The following CFAP77 variants were observed in gnomAD, a reference collection of about 807,000 sequenced individuals.
CFAP77 encodes cilia- and flagella-associated protein 77.
Under a neutral mutation model 31.1 loss-of-function variants are expected in CFAP77, and 25 were observed. The observed-to-expected ratio is 0.80, with a 90% CI of 0.59 to 1.12. The LOEUF is 1.12. Ranked by LOEUF, CFAP77 falls within the 50% of genes most tolerant of loss-of-function variation. The pLI is 0.00. For missense variants in CFAP77, 377 were observed against 397.3 expected (o/e 0.95, Z 0.44); for synonymous variants, 151 against 159.9 (o/e 0.94, Z 0.42).
chr9:132,499,732 C>T lies in CFAP77; in HGVS notation c.524+132C>T. ...CCACTGTCCTCTCTTCAATGACTCTCTCTTGTGTGACCTCTATAGCCACAC... is the reference window on the plus strand; with the variant it reads ...CCACTGTCCTCTCTTCAATGACTCTTTCTTGTGTGACCTCTATAGCCACAC... On this transcript the variant is annotated intron_variant, in intron 3 of 5. Coordinates refer to ENST00000393216, the MANE Select transcript of CFAP77 (RefSeq NM_001282957.2). The surrounding 1 kb of genome is among the most constrained non-coding windows in gnomAD (Gnocchi z 5.4). The T allele has an allele frequency of 1.2e-6, 1 of 806,956 alleles. No homozygotes were observed. Among genetic ancestry groups the T allele is most frequent in the Non-Finnish European group, 2.0e-6 (1 of 492,656 alleles). 50.0% of individuals were successfully genotyped at this position (806,956 alleles called of 1,614,324 possible). A position where few individuals can be genotyped will look rare whatever the true frequency, so the allele number is the denominator to read the frequency against.
chr9:132,436,054 A>G (rs1850499310), intron 1 of CFAP77, among the ~76,000 whole-genome samples: 1 of 152,144 alleles, frequency 6.6e-6, no homozygotes, highest in African/African-American at 2.4e-5. Context: ...CTGGTTATGG[A>G]CTTGGCAGGT....
At chr9:132,417,582 C>T (rs78851664) in intron 1 of CFAP77, among the ~76,000 whole-genome samples, 6,340 of 152,296 alleles carry the variant, frequency 0.042, 164 homozygotes, top group African/African-American at 0.06. Flanking sequence ...CTTACTGGCT[C>T]TGCCACCCAC....
chr9:132,539,802 G>A lies in CFAP77; in HGVS notation c.630+2096G>A, dbSNP rs771128708. ...AGAGCAACCCACGACTAGTTTATTC[G>A]TTAATGGCTCAAGCAAGAGTCCACT... On this transcript the variant is annotated intron_variant, in intron 4 of 5. Coordinates refer to ENST00000393216, the MANE Select transcript of CFAP77 (RefSeq NM_001282957.2). The surrounding 1 kb of genome is among the most constrained non-coding windows in gnomAD (Gnocchi z 4.3). Among the ~76,000 whole-genome samples, 5 of 152,180 alleles carry A rather than the reference G, an allele frequency of 3.3e-5. No homozygotes were observed. Among genetic ancestry groups the A allele is most frequent in the African/African-American group, 4.8e-5 (2 of 41,440 alleles).
intron 5 of CFAP77, among the ~76,000 whole-genome samples, chr9:132,544,421 C>A (rs1183219775): frequency 6.6e-6 from 1 of 152,074 alleles, no homozygotes; most frequent in Non-Finnish European, 1.5e-5. Context: ...CTCCTGCTCT[C>A]TCACTCACTC....
intron 1 of CFAP77, among the ~76,000 whole-genome samples, chr9:132,462,952 G>C (rs1476928839): frequency 6.6e-6 from 1 of 152,238 alleles, no homozygotes; most frequent in Non-Finnish European, 1.5e-5. Flanking sequence ...TCCAAGGCCT[G>C]GCACATAGTG....
rs997337361 is a variant in CFAP77 at position 132,499,922 on chromosome 9, AG to A, written c.524+324del. Among the ~76,000 whole-genome samples the A allele has an allele frequency of 4.6e-5, 7 of 152,156 alleles. No homozygotes were observed. Among genetic ancestry groups the A allele is most frequent in the African/African-American group, 1.7e-4 (7 of 41,452 alleles). ...TCCTAGCACTTTGGGAGGCCCATGT[AG>A]GAGGATCGCTTGAGTCCAGGAATTC... On this transcript the variant is annotated intron_variant, in intron 3 of 5. Coordinates refer to ENST00000393216, the MANE Select transcript of CFAP77 (RefSeq NM_001282957.2). This position sits in a 1 kb window ranked among gnomAD's most constrained non-coding sequence, Gnocchi z 5.4.
At chr9:132,453,665 T>C (rs1023123604) in intron 1 of CFAP77, among the ~76,000 whole-genome samples, 1 of 152,214 alleles carries the variant, frequency 6.6e-6, no homozygotes, top group Non-Finnish European at 1.5e-5. Context: ...AGGGCTTCAG[T>C]GTGGGGGCTG....
At chr9:132,482,808 G>A (rs534918020) in intron 1 of CFAP77, among the ~76,000 whole-genome samples, 7 of 107,458 alleles carry the variant, frequency 6.5e-5, no homozygotes, top group East Asian at 3.2e-4. Context: ...GTTGTGGGGT[G>A]GGGGGAGGGG....
intron 5 of CFAP77, among the ~76,000 whole-genome samples, chr9:132,563,374 T>C (rs1829848532): frequency 6.6e-6 from 1 of 152,196 alleles, no homozygotes; most frequent in Admixed American, 6.5e-5. Flanking sequence ...TTTTATTTAA[T>C]TTTAGTCCAC....
intron 1 of CFAP77, among the ~76,000 whole-genome samples, chr9:132,427,237 G>A (rs557495): frequency 0.57 from 86,544 of 151,964 alleles, 26,090 homozygotes; most frequent in African/African-American, 0.79. Context: ...TTCCTGCAAT[G>A]AGGTAATTAG....
At chr9:132,493,862 CTCTTT>C (rs935929505) in intron 1 of CFAP77, among the ~76,000 whole-genome samples, 2 of 151,144 alleles carry the variant, frequency 1.3e-5, no homozygotes, top group African/African-American at 4.9e-5. Flanking sequence ...CTTTTCTTTT[CTCTTT>C]TCTTTTCTTT....
intron 1 of CFAP77, among the ~76,000 whole-genome samples, chr9:132,492,769 C>T (rs1851671510): frequency 6.6e-6 from 1 of 152,176 alleles, no homozygotes; most frequent in Admixed American, 6.5e-5. Flanking sequence ...GGTGGGTGTC[C>T]AGTTAGCCTG....
chr9:132,538,769 C>G (rs1184769038), intron 4 of CFAP77, among the ~76,000 whole-genome samples: 2 of 151,760 alleles, frequency 1.3e-5, no homozygotes, highest in Non-Finnish European at 2.9e-5. Flanking sequence ...CAGAGTGAGA[C>G]TCTCTCAAAA....
chr9:132,519,567 G>GATGA (rs2119013975), intron 3 of CFAP77, among the ~76,000 whole-genome samples: 3 of 128,834 alleles, frequency 2.3e-5, no homozygotes, highest in East Asian at 3.1e-4. Flanking sequence ...TGGATGGATG[G>GATGA]ATGGATAGAT....
chr9:132,464,879 G>C (rs934887246), intron 1 of CFAP77, among the ~76,000 whole-genome samples: 7 of 151,966 alleles, frequency 4.6e-5, no homozygotes, highest in African/African-American at 1.5e-4. Flanking sequence ...ATCACCTGAG[G>C]TCAGGAATTC....
At chr9:132,492,950 G>T (rs970898726) in intron 1 of CFAP77, among the ~76,000 whole-genome samples, 4 of 152,186 alleles carry the variant, frequency 2.6e-5, no homozygotes, top group African/African-American at 9.7e-5. Flanking sequence ...TACAGGGGAA[G>T]GTTGCCGAGG....
At chr9:132,437,372 A>G (rs929984418) in intron 1 of CFAP77, among the ~76,000 whole-genome samples, 1 of 152,198 alleles carries the variant, frequency 6.6e-6, no homozygotes, top group Non-Finnish European at 1.5e-5. Flanking sequence ...GGCCAGTATT[A>G]CGGGTTCAAA....
Position 132,565,880 on chromosome 9 carries a change from C to T in CFAP77, c.733-6508C>T, listed in dbSNP as rs189088451. Among the ~76,000 whole-genome samples the T allele has an allele frequency of 6.6e-6, 1 of 152,332 alleles. No homozygotes were observed. The highest frequency in any genetic ancestry group is 1.5e-5 in the Non-Finnish European group (1 of 68,034). Reference sequence around the variant, plus strand: ...ACCGGGATAAAGCCTCCCGCTCGCCCGGCTCCCAGGGCTGCTGGCGGCTGT... The same window carrying T: ...ACCGGGATAAAGCCTCCCGCTCGCCTGGCTCCCAGGGCTGCTGGCGGCTGT... On this transcript the variant is annotated intron_variant, in intron 5 of 5. Coordinates refer to ENST00000393216, the MANE Select transcript of CFAP77 (RefSeq NM_001282957.2). The surrounding 1 kb of genome is among the most constrained non-coding windows in gnomAD (Gnocchi z 4.1).
chr9:132,456,071 A>G (rs1850907294), intron 1 of CFAP77, among the ~76,000 whole-genome samples: 1 of 152,206 alleles, frequency 6.6e-6, no homozygotes, highest in Non-Finnish European at 1.5e-5. Context: ...CCATCCACGA[A>G]TATTTTATGA....
Sources: gnomAD v4.1 joint callset for allele counts (sites outside exome capture counted in the v4.1 genomes callset) on GRCh38, gnomAD v4.1.1 for gene constraint, Gnocchi (gnomAD v3.1) non-coding constraint, MANE v1.5 for transcripts, NCBI Gene and HGNC (gene_info 2026-07-23, HGNC 2026-07-21) for gene names.